The following ZDHHC20 variants were observed in gnomAD, a reference collection of about 807,000 sequenced individuals.
The protein encoded by ZDHHC20 is zDHHC palmitoyltransferase 20.
In ZDHHC20, 43 loss-of-function variants were observed where a neutral mutation model predicts 57.8. That is an observed-to-expected ratio of 0.74 (90% confidence interval 0.58 to 0.96). The LOEUF (loss-of-function observed/expected upper bound fraction) is 0.96. Among genes scored for constraint, ZDHHC20 ranks in the 40% least tolerant of loss-of-function variants. ZDHHC20 has a pLI of 0.00. For missense variants in ZDHHC20, 391 were observed against 441.1 expected (o/e 0.89, Z 1.02); for synonymous variants, 157 against 153.0 (o/e 1.03, Z -0.19).
intron 10 of ZDHHC20, chr13:21,382,086 G>A: frequency 1.0e-5 from 4 of 385,786 alleles, no homozygotes; most frequent in South Asian, 7.4e-5. Flanking sequence ...GGCCAGACAC[G>A]ATGCTAGGCA....
Position 21,387,590 on chromosome 13 carries a change from C to T in ZDHHC20, c.772G>A (p.Gly258Ser). ...PTFSYGPDGN[G>S]FSLGCSKNWR... is the part of the protein sequence containing the mutation. The stretch of plus-strand genomic sequence containing the variant: ...TTTTTACTGCATCCAAGAGAGAAAC[C>T]ATTTCCATCAGGTCCGTATGAAAAC... The change falls in exon 9 of 13, where the codon GGT becomes AGT. Residue 258 changes from glycine to serine, a missense_variant. Physicochemically the swap from Gly to Ser is moderately conservative, Grantham distance 56 (BLOSUM62 0). Around this residue, in one of 3 missense-constraint regions of ZDHHC20, gnomAD observed 197 missense variants for 220.8 expected, o/e 0.89. Transcript: ENST00000400590. 3.3e-6 allele frequency: 5 copies of T among 1,513,728 alleles called. No individual in the cohort carries two copies. The highest frequency in any genetic ancestry group is 4.4e-6 in the Non-Finnish European group (5 of 1,127,176). 93.8% of individuals were successfully genotyped at this position (1,513,728 alleles called of 1,614,324 possible).
chr13:21,407,253 C>T (rs1796019521), intron 4 of ZDHHC20, among the ~76,000 whole-genome samples: 1 of 152,178 alleles, frequency 6.6e-6, no homozygotes, highest in Non-Finnish European at 1.5e-5. Flanking sequence ...CTCGGCCTCC[C>T]AAAGTGCTGG....
intron 3 of ZDHHC20, among the ~76,000 whole-genome samples, chr13:21,414,527 A>ATTTTTTTTTTTTTTATTTTTTTTTTTT (rs1879685707): frequency 9.3e-6 from 1 of 107,498 alleles, no homozygotes; most frequent in Non-Finnish European, 2.0e-5. Context: ...TGCCCGGATA[A>ATTTTTTTTTTTTTTATTTTTTTTTTTT]TTTTTTTTTT....
chr13:21,432,329 T>TA (rs199550517), intron 1 of ZDHHC20, among the ~76,000 whole-genome samples: 40 of 132,326 alleles, frequency 3.0e-4, no homozygotes, highest in Non-Finnish European at 5.7e-4. Flanking sequence ...AGTGTCCCAC[T>TA]AATTTTTTTT....
chr13:21,443,059 C>T (rs1469896323), intron 1 of ZDHHC20, among the ~76,000 whole-genome samples: 1 of 151,956 alleles, frequency 6.6e-6, no homozygotes, highest in East Asian at 1.9e-4. Context: ...CAATGAAGTA[C>T]AGTTTATTTG....
At chr13:21,437,050 CA>C (rs371618400) in intron 1 of ZDHHC20, among the ~76,000 whole-genome samples, 241 of 152,168 alleles carry the variant, frequency 1.6e-3, no homozygotes, top group South Asian at 7.3e-3. Context: ...GAGGCTGATA[CA>C]AAAAAAGTTT....
chr13:21,441,674 A>G (rs965382707), intron 1 of ZDHHC20, among the ~76,000 whole-genome samples: 4 of 146,550 alleles, frequency 2.7e-5, no homozygotes, highest in Non-Finnish European at 4.5e-5. Context: ...AAGTGCTGGG[A>G]TACAGGCATG....
rs773317034 is a variant in ZDHHC20 at position 21,400,370 on chromosome 13, T to C, written c.594+3A>G. On this transcript the variant is annotated splice_donor_region_variant and intron_variant, in intron 7 of 12. Transcript: ENST00000400590. ...ATGTTTCAAGATAGAAAAAAAGACT[T>C]ACCGTCCAAAATTTTATAAAGTACT... 2 of 1,579,430 alleles carry C rather than the reference T, an allele frequency of 1.3e-6. No individual in the cohort carries two copies. Among genetic ancestry groups the C allele is most frequent in the South Asian group, 2.4e-5 (2 of 82,204 alleles).
intron 12 of ZDHHC20, among the ~76,000 whole-genome samples, chr13:21,378,069 C>T (rs534975198): frequency 2.2e-4 from 33 of 151,944 alleles, no homozygotes; most frequent in African/African-American, 8.0e-4. Context: ...TGAGACAGGG[C>T]CTTGCTCTGT....
intron 1 of ZDHHC20, among the ~76,000 whole-genome samples, chr13:21,445,211 CT>C (rs1883569778): frequency 6.6e-6 from 1 of 151,936 alleles, no homozygotes; most frequent in South Asian, 2.1e-4. Flanking sequence ...GCAAATAGAG[CT>C]TATAAATTAT....
At chr13:21,423,723 T>A (rs538239482) in intron 2 of ZDHHC20, among the ~76,000 whole-genome samples, 1 of 150,692 alleles carries the variant, frequency 6.6e-6, no homozygotes, top group Admixed American at 6.6e-5. Flanking sequence ...ATATTTTATA[T>A]ATTACATATA....
At chr13:21,396,908 A>C (rs570197444) in intron 7 of ZDHHC20, among the ~76,000 whole-genome samples, 3 of 152,268 alleles carry the variant, frequency 2.0e-5, no homozygotes, top group African/African-American at 7.2e-5. Flanking sequence ...AAAAAGGATT[A>C]ATATCTTTAG....
intron 7 of ZDHHC20, among the ~76,000 whole-genome samples, chr13:21,397,828 A>T (rs1877041803): frequency 6.6e-6 from 1 of 152,156 alleles, no homozygotes; most frequent in Admixed American, 6.5e-5. Flanking sequence ...TATGCAAAAA[A>T]AATTTTCCTC....
At chr13:21,456,396 G>A (rs1884933584) in intron 1 of ZDHHC20, among the ~76,000 whole-genome samples, 1 of 152,178 alleles carries the variant, frequency 6.6e-6, no homozygotes, top group South Asian at 2.1e-4. Flanking sequence ...GGCAACAAGA[G>A]TGAAACTCTG....
chr13:21,404,794 A>T (rs566545155), intron 4 of ZDHHC20, among the ~76,000 whole-genome samples: 235 of 151,686 alleles, frequency 1.5e-3, no homozygotes, highest in Non-Finnish European at 2.8e-3. Context: ...TAGAGTTCCC[A>T]TCTCCAAAGG....
intron 1 of ZDHHC20, among the ~76,000 whole-genome samples, chr13:21,443,661 T>G (rs1037422771): frequency 6.6e-6 from 1 of 152,196 alleles, no homozygotes; most frequent in South Asian, 2.1e-4. Context: ...TGCATCTCCT[T>G]TGTAGAGTTA....
rs1261874933 is a variant in ZDHHC20 at position 21,459,246 on chromosome 13, A to G, written c.-75T>C. 1 of 1,214,604 alleles carries G rather than the reference A, an allele frequency of 8.2e-7. No individual in the cohort carries two copies. Among genetic ancestry groups the G allele is most frequent in the African/African-American group, 1.6e-5 (1 of 63,352 alleles). 75.2% of individuals were successfully genotyped at this position (1,214,604 alleles called of 1,614,324 possible). On this transcript the variant is annotated 5_prime_UTR_variant, in exon 1 of 13. Transcript: ENST00000400590. ...GGGAGCCCCGGCGACGGTGACTCGG[A>G]CGCTCCAGGCGGCTGCTGGTCCAGC...
intron 1 of ZDHHC20, among the ~76,000 whole-genome samples, chr13:21,455,094 G>A (rs917211031): frequency 6.6e-6 from 1 of 152,108 alleles, no homozygotes; most frequent in Non-Finnish European, 1.5e-5. Context: ...CTAATTTTTT[G>A]TATTTTTAGA....
chr13:21,441,610 A>G (rs1288994232), intron 1 of ZDHHC20, among the ~76,000 whole-genome samples: 1 of 113,746 alleles, frequency 8.8e-6, no homozygotes, highest in African/African-American at 3.5e-5. Flanking sequence ...TCACCGTGTT[A>G]GCCAGGATGG....
Sources: allele counts gnomAD v4.1 joint callset (sites outside exome capture counted in the v4.1 genomes callset), GRCh38; gene constraint gnomAD v4.1.1; regional missense constraint gnomAD v4.1.1; transcripts MANE v1.5; gene names NCBI Gene and HGNC (gene_info 2026-07-23, HGNC 2026-07-21).